MYH10: variants seen among roughly 807,000 people sequenced by gnomAD.
MYH10 encodes myosin-10.
Under a neutral mutation model 257.8 loss-of-function variants are expected in MYH10, and 55 were observed. The ratio of observed to expected loss-of-function variants is 0.21; its 90% CI spans 0.17 to 0.27. The LOEUF (loss-of-function observed/expected upper bound fraction) is 0.27, where lower values mean the gene tolerates loss of function less well. MYH10 is among the 10% of genes least tolerant of loss of function. The pLI is 1.00. For missense variants in MYH10, 1,631 were observed against 2,500.6 expected, an observed-to-expected ratio of 0.65 and a Z score of 7.42; for synonymous variants, 854 against 921.7, an observed-to-expected ratio of 0.93 and a Z score of 1.33.
chr17:8,480,096 C>T lies in MYH10; in HGVS notation c.5597+14G>A. On this transcript the variant is annotated intron_variant, in intron 40 of 42. Coordinates refer to ENST00000360416, the MANE Select transcript of MYH10 (RefSeq NM_001256012.3). ...GTTGGTAAGTTTTGGTTTACGGTAG[C>T]AAAAACCTCTTACTTGGCTTCCTGC... The T allele has an allele frequency of 6.2e-7, 1 of 1,613,260 alleles. No individual in the cohort carries two copies. The highest frequency in any genetic ancestry group is 8.5e-7 in the Non-Finnish European group (1 of 1,179,624).
chr17:8,522,775 C>G (rs2081698129), intron 17 of MYH10, among the ~76,000 whole-genome samples: 1 of 152,180 alleles, frequency 6.6e-6, no homozygotes, highest in Non-Finnish European at 1.5e-5. Context: ...ATGGCCCGTC[C>G]TCTTCCTCTC....
At chr17:8,560,061 C>T (rs755219385) in intron 7 of MYH10, among the ~76,000 whole-genome samples, 2 of 152,232 alleles carry the variant, frequency 1.3e-5, no homozygotes, top group Admixed American at 1.3e-4. Context: ...TTTAAGAAAA[C>T]ATTTCACTAA....
At chr17:8,492,535 C>A in intron 33 of MYH10, 26 bp from the exon 34 acceptor site, 1 of 1,580,012 alleles carries the variant, frequency 6.3e-7, no homozygotes, top group South Asian at 1.1e-5. Flanking sequence ...TGGGGGAATA[C>A]GAAAAACCGA....
Position 8,535,329 on chromosome 17 carries a change from A to G in MYH10, c.1894+58T>C, listed in dbSNP as rs2082113235. On this transcript the variant is annotated intron_variant, in intron 16 of 42. Transcript: ENST00000360416. This position sits in a 1 kb window ranked among gnomAD's most constrained non-coding sequence, Gnocchi z 4.3. The stretch of plus-strand genomic sequence containing the variant: ...TATATATGTAAAAGAACCATCTATA[A>G]ACCTTAATTATAAAAGATTCCAGCC... 1 of 1,333,126 alleles carries G rather than the reference A, an allele frequency of 7.5e-7. No individual in the cohort carries two copies. Among genetic ancestry groups the G allele is most frequent in the South Asian group, 1.3e-5 (1 of 79,990 alleles). The allele number at this position is 1,333,126 out of a possible 1,614,324, so 82.6% of individuals were successfully genotyped here. A position where few individuals can be genotyped will look rare whatever the true frequency, so the allele number is the denominator to read the frequency against.
chr17:8,498,379 G>T (rs1352558908), intron 30 of MYH10, among the ~76,000 whole-genome samples: 1 of 152,122 alleles, frequency 6.6e-6, no homozygotes, highest in Non-Finnish European at 1.5e-5. Context: ...GATACTGAGG[G>T]CTGACTGTAT....
At chr17:8,614,353 T>C (rs1195516064) in intron 2 of MYH10, among the ~76,000 whole-genome samples, 1 of 143,970 alleles carries the variant, frequency 6.9e-6, no homozygotes. Context: ...TCTCGCTCTG[T>C]TGTTCAAGCT....
intron 2 of MYH10, among the ~76,000 whole-genome samples, chr17:8,618,642 T>A (rs527968040): frequency 6.6e-6 from 1 of 152,334 alleles, no homozygotes; most frequent in Admixed American, 6.5e-5. Context: ...TTACCTTGCG[T>A]ATTGAACAAG....
rs2082678210 is a variant in MYH10 at position 8,552,741 on chromosome 17, T to C, written c.821-597A>G. Among the ~76,000 whole-genome samples, 1 of 152,216 alleles carries C rather than the reference T, an allele frequency of 6.6e-6. No individual in the cohort carries two copies. The highest frequency in any genetic ancestry group is 6.5e-5 in the Admixed American group (1 of 15,288). ...CAGCAGCACATGTAACTTTCCCATA[T>C]GCCTTGACAGCTACGATGAGATTAA... On this transcript the variant is annotated intron_variant, in intron 8 of 42. Coordinates refer to ENST00000360416, the MANE Select transcript of MYH10 (RefSeq NM_001256012.3). This position sits in a 1 kb window ranked among gnomAD's most constrained non-coding sequence, Gnocchi z 4.8.
intron 1 of MYH10, among the ~76,000 whole-genome samples, chr17:8,626,318 C>A (rs1321489990): frequency 1.3e-5 from 2 of 152,042 alleles, no homozygotes; most frequent in Non-Finnish European, 2.9e-5. Flanking sequence ...GTAATCCCAG[C>A]GCTTTGGGAG....
At chr17:8,513,453 T>C in intron 23 of MYH10, 85 bp downstream of exon 23, 1 of 1,559,106 alleles carries the variant, frequency 6.4e-7, no homozygotes, top group East Asian at 2.3e-5. Flanking sequence ...CAGCTATTCA[T>C]AATGAAATGT....
At position 8,490,702 on chromosome 17, in the gene MYH10, C is replaced by T. The variant is rs1915630737; in HGVS notation, c.4672-150G>A. On this transcript the variant is annotated intron_variant, in intron 34 of 42. Coordinates refer to ENST00000360416, the MANE Select transcript of MYH10 (RefSeq NM_001256012.3). The surrounding 1 kb of genome is among the most constrained non-coding windows in gnomAD (Gnocchi z 4.1). ...CCTGCCACATGCATACACATCCTTC[C>T]CTCTCCCCTGAAAGCTGCTGCTATT... The T allele has an allele frequency of 2.9e-6, 2 of 678,368 alleles. No individual in the cohort carries two copies. The highest frequency in any genetic ancestry group is 2.4e-5 in the Admixed American group (1 of 41,970). 42.0% of individuals were successfully genotyped at this position (678,368 alleles called of 1,614,324 possible). A position where few individuals can be genotyped will look rare whatever the true frequency, so the allele number is the denominator to read the frequency against.
rs754779490 is a variant in MYH10 at position 8,535,875 on chromosome 17, G to T, written c.1662C>A (p.Ala554=). ...GTTTTTCAACAAAGGTTTTATCTGT[G>T]GCTTTAGGGAACCAGCATTCTTCAT... The part of the protein sequence containing the change: ...LLDEECWFPK[A]TDKTFVEKLV... The change falls in exon 15 of 43, where the codon GCC becomes GCA. Residue 554 remains alanine, a synonymous_variant. Coordinates refer to ENST00000360416, the MANE Select transcript of MYH10 (RefSeq NM_001256012.3). The surrounding 1 kb of genome is among the most constrained non-coding windows in gnomAD (Gnocchi z 4.3). The T allele has an allele frequency of 5.6e-6, 9 of 1,614,004 alleles. No individual in the cohort carries two copies. The South Asian group carries it at 8.8e-5, about 16-fold the overall frequency.
chr17:8,584,916 TCAC>T (rs953473707), intron 4 of MYH10, among the ~76,000 whole-genome samples: 1 of 152,154 alleles, frequency 6.6e-6, no homozygotes, highest in African/African-American at 2.4e-5. Flanking sequence ...CAATCTCAGC[TCAC>T]CACAACCTCC....
At chr17:8,528,815 T>C (rs2081933148) in intron 17 of MYH10, among the ~76,000 whole-genome samples, 1 of 152,140 alleles carries the variant, frequency 6.6e-6, no homozygotes, top group African/African-American at 2.4e-5. Flanking sequence ...CATAAGCGCA[T>C]TAAAGAGAAA....
At position 8,477,113 on chromosome 17, in the gene MYH10, C is replaced by T. The variant is rs1912799685; in HGVS notation, c.5707-65G>A. 2 of 1,581,512 alleles carry T rather than the reference C, an allele frequency of 1.3e-6. No homozygotes were observed. Among genetic ancestry groups the T allele is most frequent in the African/African-American group, 2.7e-5 (2 of 74,464 alleles). On this transcript the variant is annotated intron_variant, in intron 41 of 42. Coordinates refer to ENST00000360416, the MANE Select transcript of MYH10 (RefSeq NM_001256012.3). This position sits in a 1 kb window ranked among gnomAD's most constrained non-coding sequence, Gnocchi z 4.2. ...GAATCCAGTGTCGGCCTCTCTGTAC[C>T]CCGAGCGTGGCAGTGTGGGGCTCTG...
intron 36 of MYH10, among the ~76,000 whole-genome samples, chr17:8,485,457 C>CTTT (rs138894418): frequency 1.1e-4 from 13 of 121,158 alleles, no homozygotes; most frequent in East Asian, 2.3e-4. Flanking sequence ...CCCAAGCTGG[C>CTTT]TTTTTTTTTT....
intron 25 of MYH10, 150 bp downstream of exon 25, chr17:8,509,661 AC>A (rs1425461298): frequency 6.2e-6 from 4 of 649,458 alleles, no homozygotes; most frequent in African/African-American, 1.9e-5. Flanking sequence ...AGAAATCTAT[AC>A]AAGTAGAGAC....
chr17:8,627,653 A>G (rs2085734918), intron 1 of MYH10, among the ~76,000 whole-genome samples: 2 of 152,194 alleles, frequency 1.3e-5, no homozygotes, highest in African/African-American at 4.8e-5. Context: ...TCACTCCATA[A>G]TACATTGGTA....
chr17:8,527,075 T>C (rs559146613), intron 17 of MYH10, among the ~76,000 whole-genome samples: 1 of 152,214 alleles, frequency 6.6e-6, no homozygotes, highest in African/African-American at 2.4e-5. Context: ...GTCACTGTTA[T>C]AAACAATTTG....
Sources: allele counts gnomAD v4.1 joint callset (sites outside exome capture counted in the v4.1 genomes callset), GRCh38; gene constraint gnomAD v4.1.1; non-coding constraint Gnocchi (gnomAD v3.1); transcripts MANE v1.5; gene names NCBI Gene and HGNC (gene_info 2026-07-23, HGNC 2026-07-21).